DCC: variants seen among roughly 807,000 people sequenced by gnomAD.
DCC encodes the protein DCC netrin 1 receptor.
A neutral mutation model predicts 172.5 loss-of-function variants in DCC; 58 were observed. The observed-to-expected ratio is 0.34, with a 90% CI of 0.27 to 0.42. The LOEUF (loss-of-function observed/expected upper bound fraction) is 0.42, where lower values mean the gene tolerates loss of function less well. Ranked by LOEUF, DCC falls within the 10% of genes least tolerant of loss-of-function variation. The probability of loss-of-function intolerance (pLI) is 1.00; values close to 1 mark genes in which losing one functional copy is unlikely to be tolerated. For synonymous variants in DCC, 709 were observed against 644.5 expected (o/e 1.10, Z -1.52); for missense variants, 1,740 against 1,791.0 (o/e 0.97, Z 0.51).
intron 2 of DCC, among the ~76,000 whole-genome samples, chr18:52,895,202 G>A (rs1235974300): frequency 6.6e-6 from 1 of 152,196 alleles, no homozygotes; most frequent in Non-Finnish European, 1.5e-5. Flanking sequence ...CTTCCAAGTA[G>A]GCCCAACAAA....
intron 7 of DCC, 45 bp downstream of exon 7, chr18:53,066,211 T>C: frequency 6.3e-7 from 1 of 1,590,726 alleles, no homozygotes; most frequent in South Asian, 1.1e-5. Flanking sequence ...ATGAAAATTA[T>C]TCATAGTCTG....
chr18:53,285,782 C>T (rs2056928819), intron 12 of DCC, among the ~76,000 whole-genome samples: 1 of 152,224 alleles, frequency 6.6e-6, no homozygotes, highest in Non-Finnish European at 1.5e-5. Context: ...GGAGACCGTA[C>T]CCTTCAAAGC....
chr18:53,460,512 A>G (rs1045310968), intron 24 of DCC, among the ~76,000 whole-genome samples: 15 of 139,012 alleles, frequency 1.1e-4, no homozygotes, highest in African/African-American at 4.0e-4. Flanking sequence ...ATTCCCACCT[A>G]TAAGTGAGAA....
In DCC at chr18:52,892,041, G is replaced by T. The variant is rs548578363; in HGVS notation, c.413-14003G>T. Among the ~76,000 whole-genome samples, 10 of 152,202 alleles carry T rather than the reference G, an allele frequency of 6.6e-5. No individual in the cohort carries two copies. The South Asian group carries it at 2.1e-3, about 32-fold the overall frequency. ...CTTACTAAAGTGGTGGATGACATCT[G>T]AATTATCCACCCTGCTTACAGCCCC... On this transcript the variant is annotated intron_variant, in intron 2 of 28. Transcript: ENST00000442544.
Position 53,268,865 on chromosome 18 carries a change from G to T in DCC, c.1912-36713G>T, listed in dbSNP as rs558101584. On this transcript the variant is annotated intron_variant, in intron 12 of 28. Coordinates refer to ENST00000442544, the MANE Select transcript of DCC (RefSeq NM_005215.4). Reference sequence around the variant, plus strand: ...TGCAGTGAGGAACTGTAGGGAATGAGGATGGATGAGTGGACAAGGAACTAG... The same window carrying T: ...TGCAGTGAGGAACTGTAGGGAATGATGATGGATGAGTGGACAAGGAACTAG... 3.3e-5 allele frequency among the ~76,000 whole-genome samples: 5 copies of T among 152,266 alleles called. No homozygotes were observed. In the South Asian group the frequency reaches 1.0e-3, roughly 32 times the overall value.
At chr18:52,547,817 G>A (rs1262954572) in intron 1 of DCC, among the ~76,000 whole-genome samples, 7 of 152,078 alleles carry the variant, frequency 4.6e-5, no homozygotes, top group Admixed American at 3.9e-4. Flanking sequence ...CACATTTTTG[G>A]TAAAGGGCAG....
intron 1 of DCC, among the ~76,000 whole-genome samples, chr18:52,413,737 G>A (rs922792143): frequency 1.3e-5 from 2 of 151,932 alleles, no homozygotes; most frequent in Non-Finnish European, 2.9e-5. Flanking sequence ...TGTTAGTATC[G>A]AAGACAGACA....
At chr18:53,388,943 C>T (rs201212099) in intron 16 of DCC, among the ~76,000 whole-genome samples, 2 of 152,188 alleles carry the variant, frequency 1.3e-5, no homozygotes, top group East Asian at 1.9e-4. Context: ...CCCCACTATA[C>T]CTGGTATTTT....
chr18:52,450,538 C>T (rs1422364097), intron 1 of DCC, among the ~76,000 whole-genome samples: 1 of 152,100 alleles, frequency 6.6e-6, no homozygotes, highest in African/African-American at 2.4e-5. Context: ...GTTATTCTAG[C>T]TTTAGGCTAT....
intron 1 of DCC, among the ~76,000 whole-genome samples, chr18:52,662,411 C>G (rs924246774): frequency 6.8e-6 from 1 of 146,724 alleles, no homozygotes; most frequent in Non-Finnish European, 1.5e-5. Context: ...GTTCCCAGCA[C>G]AATAAATGCG....
intron 24 of DCC, among the ~76,000 whole-genome samples, chr18:53,464,656 G>C (rs2045597108): frequency 6.6e-6 from 1 of 151,454 alleles, no homozygotes; most frequent in African/African-American, 2.4e-5. Context: ...CCCACACACA[G>C]ACACCCAACA....
intron 7 of DCC, among the ~76,000 whole-genome samples, chr18:53,130,172 T>C (rs1359375451): frequency 6.6e-6 from 1 of 152,142 alleles, no homozygotes; most frequent in East Asian, 1.9e-4. Context: ...AGTGAAGCAC[T>C]AAAAATATAA....
At chr18:52,714,027 C>T (rs1305228061) in intron 1 of DCC, among the ~76,000 whole-genome samples, 1 of 152,192 alleles carries the variant, frequency 6.6e-6, no homozygotes, top group Non-Finnish European at 1.5e-5. Context: ...TACCTCTAAA[C>T]TACTGCTATG....
chr18:53,256,066 T>C (rs140046499), intron 12 of DCC, among the ~76,000 whole-genome samples: 45,439 of 151,984 alleles, frequency 0.3, 8,766 homozygotes, highest in Non-Finnish European at 0.44. Context: ...GGTTGTTTGT[T>C]TTTTTCTTGT....
chr18:52,651,404 A>G (rs2035128568), intron 1 of DCC, among the ~76,000 whole-genome samples: 1 of 152,098 alleles, frequency 6.6e-6, no homozygotes, highest in Non-Finnish European at 1.5e-5. Context: ...GCTAGTCTCA[A>G]ACCCCTGGGC....
At chr18:52,528,241 G>A (rs1436705964) in intron 1 of DCC, among the ~76,000 whole-genome samples, 1 of 152,044 alleles carries the variant, frequency 6.6e-6, no homozygotes, top group Non-Finnish European at 1.5e-5. Context: ...ATAAATACTT[G>A]TTGCATGAGT....
intron 1 of DCC, among the ~76,000 whole-genome samples, chr18:52,584,536 AGACTAACG>A (rs1171397781): frequency 3.3e-5 from 5 of 152,176 alleles, no homozygotes; most frequent in Non-Finnish European, 7.3e-5. Flanking sequence ...GCAGTGGTTT[AGACTAACG>A]CACAGATATA....
intron 5 of DCC, among the ~76,000 whole-genome samples, chr18:53,036,363 C>A (rs532917997): frequency 6.0e-4 from 92 of 152,092 alleles, no homozygotes; most frequent in African/African-American, 2.1e-3. Flanking sequence ...TATCTGCAAG[C>A]AACACTAGGT....
intron 16 of DCC, among the ~76,000 whole-genome samples, chr18:53,390,818 G>C (rs947820980): frequency 1.3e-5 from 2 of 152,150 alleles, no homozygotes; most frequent in Admixed American, 1.3e-4. Context: ...TCTGTAGGTA[G>C]TTAATCCTGT....
Sources: gnomAD v4.1 joint callset for allele counts (sites outside exome capture counted in the v4.1 genomes callset) on GRCh38, gnomAD v4.1.1 for gene constraint, MANE v1.5 for transcripts, NCBI Gene and HGNC (gene_info 2026-07-23, HGNC 2026-07-21) for gene names.